DYRK1A: variants seen among roughly 807,000 people sequenced by gnomAD.
The protein encoded by DYRK1A is dual specificity tyrosine phosphorylation regulated kinase 1A.
DYRK1A carries 9 observed loss-of-function variants against 79.7 expected under a neutral mutation model. The observed-to-expected ratio is 0.11, with a 90% CI of 0.07 to 0.20. The LOEUF is 0.20. DYRK1A is among the 10% of genes least tolerant of loss of function. DYRK1A has a pLI of 1.00. For synonymous variants in DYRK1A, 349 were observed against 329.7 expected, an observed-to-expected ratio of 1.06 and a Z score of -0.63; for missense variants, 622 against 956.0, an observed-to-expected ratio of 0.65 and a Z score of 4.61.
chr21:37,427,592 C>G (rs764403736), intron 2 of DYRK1A, among the ~76,000 whole-genome samples: 1 of 152,104 alleles, frequency 6.6e-6, no homozygotes, highest in Non-Finnish European at 1.5e-5. Flanking sequence ...ATACTATTAT[C>G]GTGTTTTTTG....
intron 1 of DYRK1A, among the ~76,000 whole-genome samples, chr21:37,389,486 AGGTT>A (rs1453936307): frequency 1.3e-5 from 2 of 152,060 alleles, no homozygotes; most frequent in East Asian, 3.9e-4. Flanking sequence ...TTCTGATTCG[AGGTT>A]GGTTGAACTT....
intron 2 of DYRK1A, among the ~76,000 whole-genome samples, chr21:37,435,667 A>G (rs1247183442): frequency 6.6e-6 from 1 of 152,182 alleles, no homozygotes; most frequent in Non-Finnish European, 1.5e-5. Context: ...CATTTTTTTC[A>G]GATCAGAAAC....
rs535826110 is a variant in DYRK1A at position 37,517,166 on chromosome 21, C to T, written c.*4635C>T. The T allele has an allele frequency of 2.0e-5, 3 of 152,336 alleles. No homozygotes were observed. The East Asian group carries it at 5.8e-4, about 29-fold the overall frequency. 9.4% of individuals were successfully genotyped at this position (152,336 alleles called of 1,614,324 possible). On this transcript the variant is annotated 3_prime_UTR_variant, in exon 12 of 12. Transcript: ENST00000647188. ...CAGTCCCAGCTGGGTCCTGAAGGAG[C>T]ACAGTACTAGAGCCTGAGTCATGTT...
chr21:37,448,610 TGCTGAAAAA>T (rs529661875), intron 2 of DYRK1A, among the ~76,000 whole-genome samples: 119 of 152,330 alleles, frequency 7.8e-4, no homozygotes, highest in African/African-American at 2.7e-3. Flanking sequence ...TCATGATTTA[TGCTGAAAAA>T]ACTTGTATAT....
intron 11 of DYRK1A, among the ~76,000 whole-genome samples, chr21:37,507,414 CT>C (rs1983472662): frequency 6.6e-6 from 1 of 152,206 alleles, no homozygotes; most frequent in South Asian, 2.1e-4. Flanking sequence ...GCGTGTCCCC[CT>C]TTCTTTCCCT....
Position 37,517,507 on chromosome 21 carries a change from CATTA to C in DYRK1A, c.*4977_*4980del, listed in dbSNP as rs2053893227. Reference sequence around the variant, plus strand: ...GTTTTGCTTCCATTATATACTCATTCATTAGTCAGTGTACTTGCCCCTGAATTCC... The same window carrying C: ...GTTTTGCTTCCATTATATACTCATTCGTCAGTGTACTTGCCCCTGAATTCC... On this transcript the variant is annotated 3_prime_UTR_variant, in exon 12 of 12. Transcript: ENST00000647188. 1 of 152,078 alleles carries C rather than the reference CATTA, an allele frequency of 6.6e-6. No individual in the cohort carries two copies. Among genetic ancestry groups the C allele is most frequent in the Admixed American group, 6.6e-5 (1 of 15,264 alleles). The allele number at this position is 152,078 out of a possible 1,614,324, so 9.4% of individuals were successfully genotyped here.
At chr21:37,448,858 G>A (rs903196959) in intron 2 of DYRK1A, among the ~76,000 whole-genome samples, 1 of 151,966 alleles carries the variant, frequency 6.6e-6, no homozygotes, top group African/African-American at 2.4e-5. Context: ...CACCATGCCT[G>A]GCTAATTTAA....
chr21:37,380,967 G>T (rs368744062), intron 1 of DYRK1A, among the ~76,000 whole-genome samples: 1 of 152,076 alleles, frequency 6.6e-6, no homozygotes, highest in Admixed American at 6.5e-5. Context: ...TGCGCTCTTC[G>T]TTTTAAAAAT....
At chr21:37,499,296 G>A (rs2053367883) in intron 9 of DYRK1A, among the ~76,000 whole-genome samples, 1 of 152,100 alleles carries the variant, frequency 6.6e-6, no homozygotes, top group Non-Finnish European at 1.5e-5. Flanking sequence ...TTTTGAGCGT[G>A]GAACAGGGTG....
chr21:37,474,410 A>G (rs184022645), intron 3 of DYRK1A, among the ~76,000 whole-genome samples: 9 of 152,242 alleles, frequency 5.9e-5, no homozygotes, highest in African/African-American at 1.9e-4. Flanking sequence ...CTATCTTTAA[A>G]GTAATAATAC....
chr21:37,391,799 C>T lies in DYRK1A; in HGVS notation c.-77+24171C>T, dbSNP rs560392609. On this transcript the variant is annotated intron_variant, in intron 1 of 11. Coordinates refer to ENST00000647188, the MANE Select transcript of DYRK1A (RefSeq NM_001347721.2). ...CTACTTCAGAGCTTACATTTTCCCA[C>T]TCGTGTTAGGCTCCTCTTCAGCTTT... Among the ~76,000 whole-genome samples, 10 of 152,334 alleles carry T rather than the reference C, an allele frequency of 6.6e-5. No homozygotes were observed. In the South Asian group the frequency reaches 2.1e-3, roughly 32 times the overall value.
intron 2 of DYRK1A, among the ~76,000 whole-genome samples, chr21:37,470,000 C>A (rs907638098): frequency 2.6e-5 from 4 of 152,110 alleles, no homozygotes; most frequent in African/African-American, 9.7e-5. Context: ...AAAAAATTAG[C>A]CAGCGTGGTG....
intron 2 of DYRK1A, among the ~76,000 whole-genome samples, chr21:37,450,613 T>C (rs1324438696): frequency 6.6e-6 from 1 of 152,154 alleles, no homozygotes; most frequent in Non-Finnish European, 1.5e-5. Context: ...CTGATACAGT[T>C]AGGGTGAAGT....
intron 2 of DYRK1A, among the ~76,000 whole-genome samples, chr21:37,438,678 A>C (rs71332581): frequency 0.016 from 2,462 of 152,282 alleles, 33 homozygotes; most frequent in Non-Finnish European, 0.023. Context: ...CTGTTCCATT[A>C]ATCTATTTGT....
At chr21:37,366,228 G>A (rs1196194340), upstream of DYRK1A, 3 of 150,270 alleles carry the variant, frequency 2.0e-5, no homozygotes. Context: ...GGGCTTCCCG[G>A]GTCCCCGCCC....
intron 2 of DYRK1A, among the ~76,000 whole-genome samples, chr21:37,470,909 T>C (rs1378484483): frequency 1.3e-5 from 2 of 152,228 alleles, no homozygotes; most frequent in Admixed American, 6.5e-5. Flanking sequence ...TTTAGAAAAG[T>C]TGGCCATCTT....
rs1317628986 is a variant in DYRK1A, at chr21:37,516,381, A to G, written c.*3850A>G. 7 of 152,220 alleles carry G rather than the reference A, an allele frequency of 4.6e-5. No homozygotes were observed. The highest frequency in any genetic ancestry group is 4.6e-4 in the Admixed American group (7 of 15,278). The allele number at this position is 152,220 out of a possible 1,614,324, so 9.4% of individuals were successfully genotyped here. A position where few individuals can be genotyped will look rare whatever the true frequency, so the allele number is the denominator to read the frequency against. Reference sequence around the variant, plus strand: ...TTGGAAAACCTTTGGTGTCAGGGAGAGTAGAGGAGAAGTTCTGATTTTCAT... The same window carrying G: ...TTGGAAAACCTTTGGTGTCAGGGAGGGTAGAGGAGAAGTTCTGATTTTCAT... On this transcript the variant is annotated 3_prime_UTR_variant, in exon 12 of 12. Transcript: ENST00000647188.
intron 1 of DYRK1A, chr21:37,418,909 A>G (rs1602449138): frequency 2.0e-5 from 3 of 152,240 alleles, no homozygotes; most frequent in Non-Finnish European, 4.4e-5. Context: ...TAATTTAAAA[A>G]TAACTCATAT....
At chr21:37,475,799 T>G (rs745479793) in intron 3 of DYRK1A, among the ~76,000 whole-genome samples, 5 of 151,880 alleles carry the variant, frequency 3.3e-5, no homozygotes, top group African/African-American at 1.2e-4. Context: ...TATTTGAAAT[T>G]TTTTTTTGAT....
Sources: allele counts gnomAD v4.1 joint callset (sites outside exome capture counted in the v4.1 genomes callset), GRCh38; gene constraint gnomAD v4.1.1; transcripts MANE v1.5; gene names NCBI Gene and HGNC (gene_info 2026-07-23, HGNC 2026-07-21).